The following PCDH15 variants were observed in gnomAD, a reference collection of about 807,000 sequenced individuals.
PCDH15 encodes protocadherin related 15, also known as protocadherin-15.
In PCDH15, 129 loss-of-function variants were observed where a neutral mutation model predicts 178.5. The observed-to-expected ratio is 0.72, with a 90% CI of 0.63 to 0.84. The LOEUF is 0.84. Ranked by LOEUF, PCDH15 falls within the 40% of genes least tolerant of loss-of-function variation. PCDH15 has a pLI of 0.00. For missense variants in PCDH15, 2,230 were observed against 2,099.9 expected (o/e 1.06, Z -1.21); for synonymous variants, 800 against 732.0 (o/e 1.09, Z -1.50).
intron 2 of PCDH15, among the ~76,000 whole-genome samples, chr10:54,529,495 T>C (rs2083695976): frequency 6.6e-6 from 1 of 152,078 alleles, no homozygotes; most frequent in African/African-American, 2.4e-5. Context: ...CATGTTTCTT[T>C]TGGAGAAAAT....
intron 1 of PCDH15, among the ~76,000 whole-genome samples, chr10:55,221,320 T>C (rs577345419): frequency 3.9e-5 from 6 of 152,236 alleles, no homozygotes; most frequent in African/African-American, 7.2e-5. Context: ...CTTTAAAATA[T>C]GGATATGTGT....
At chr10:54,728,307 C>A (rs35581800) in intron 1 of PCDH15, among the ~76,000 whole-genome samples, 2 of 151,204 alleles carry the variant, frequency 1.3e-5, no homozygotes, top group East Asian at 3.9e-4. Context: ...ATTCAGCGAT[C>A]CATCGTATAA....
chr10:55,245,549 C>A (rs1841660415), intron 1 of PCDH15, among the ~76,000 whole-genome samples: 1 of 152,100 alleles, frequency 6.6e-6, no homozygotes, highest in East Asian at 1.9e-4. Context: ...CCAGGTCATT[C>A]AGAAATTGCT....
chr10:55,199,881 C>T (rs1840196436), intron 1 of PCDH15, among the ~76,000 whole-genome samples: 1 of 152,064 alleles, frequency 6.6e-6, no homozygotes, highest in South Asian at 2.1e-4. Flanking sequence ...TTCGGGTGCA[C>T]AGAAAGCAAG....
At chr10:54,062,818 T>C (rs2094058723) in intron 18 of PCDH15, among the ~76,000 whole-genome samples, 1 of 152,120 alleles carries the variant, frequency 6.6e-6, no homozygotes, top group Admixed American at 6.5e-5. Flanking sequence ...AACTAAAAAC[T>C]AATCATCATG....
chr10:55,254,787 G>A (rs775195195), intron 1 of PCDH15, among the ~76,000 whole-genome samples: 14 of 152,144 alleles, frequency 9.2e-5, no homozygotes, highest in Non-Finnish European at 1.6e-4. Flanking sequence ...ATAAGATTGC[G>A]AAAGAAGAAA....
At chr10:54,757,627 T>C (rs946606935) in intron 1 of PCDH15, among the ~76,000 whole-genome samples, 5 of 152,142 alleles carry the variant, frequency 3.3e-5, no homozygotes, top group Admixed American at 6.5e-5. Context: ...AACTACTTCA[T>C]TTGCCTTCTT....
chr10:54,232,929 T>C (rs1196717641), intron 9 of PCDH15, among the ~76,000 whole-genome samples: 42 of 148,298 alleles, frequency 2.8e-4, no homozygotes, highest in African/African-American at 9.5e-4. Flanking sequence ...TCTTTCTTTT[T>C]TTTTTTTTTT....
At chr10:54,497,492 A>T (rs976179837) in intron 3 of PCDH15, among the ~76,000 whole-genome samples, 3 of 152,162 alleles carry the variant, frequency 2.0e-5, no homozygotes, top group Non-Finnish European at 4.4e-5. Flanking sequence ...AATCTCGATG[A>T]CATGTAACCT....
chr10:53,982,585 C>T (rs188037145), intron 21 of PCDH15, among the ~76,000 whole-genome samples: 3,071 of 148,402 alleles, frequency 0.021, 60 homozygotes, highest in South Asian at 0.098. Flanking sequence ...AAACCAAACA[C>T]CGCATGTTCT....
At chr10:55,287,499 A>G (rs988539156) in intron 1 of PCDH15, among the ~76,000 whole-genome samples, 1 of 152,044 alleles carries the variant, frequency 6.6e-6, no homozygotes, top group Non-Finnish European at 1.5e-5. Context: ...TTTAATATTC[A>G]TAAAAAGAAA....
chr10:55,358,465 C>A (rs985207213), intron 2 of PCDH15, among the ~76,000 whole-genome samples: 3 of 151,968 alleles, frequency 2.0e-5, no homozygotes, highest in African/African-American at 7.2e-5. Flanking sequence ...TCTTTGGTAT[C>A]AGATGGTATT....
intron 2 of PCDH15, among the ~76,000 whole-genome samples, chr10:55,471,825 T>G (rs796776381): frequency 2.3e-4 from 35 of 152,340 alleles, no homozygotes; most frequent in African/African-American, 7.9e-4. Context: ...CAACTTCTAC[T>G]TAAATCTTTG....
intron 15 of PCDH15, among the ~76,000 whole-genome samples, chr10:54,099,551 C>T (rs1199484027): frequency 1.8e-5 from 2 of 109,932 alleles, no homozygotes; most frequent in African/African-American, 7.1e-5. Flanking sequence ...AACAAAAAAA[C>T]AGATAAAACA....
At chr10:54,311,752 A>C (rs2060923397) in intron 8 of PCDH15, among the ~76,000 whole-genome samples, 1 of 152,044 alleles carries the variant, frequency 6.6e-6, no homozygotes, top group South Asian at 2.1e-4. Flanking sequence ...TGAAAACATT[A>C]ATTTGCCAAA....
intron 2 of PCDH15, among the ~76,000 whole-genome samples, chr10:55,433,989 T>C (rs1209225864): frequency 6.6e-6 from 1 of 151,986 alleles, no homozygotes; most frequent in African/African-American, 2.4e-5. Flanking sequence ...GCTCTTTTTC[T>C]ATATTTAACA....
intron 2 of PCDH15, among the ~76,000 whole-genome samples, chr10:54,647,839 T>C (rs1412583103): frequency 3.9e-5 from 6 of 152,108 alleles, no homozygotes; most frequent in African/African-American, 1.4e-4. Context: ...GTTTTTATCA[T>C]ATTCTTCCAC....
intron 3 of PCDH15, among the ~76,000 whole-genome samples, chr10:54,413,448 C>T (rs1274049013): frequency 3.9e-5 from 6 of 152,134 alleles, no homozygotes; most frequent in African/African-American, 1.2e-4. Flanking sequence ...CAACAGTCTA[C>T]CAAGGTGATT....
chr10:54,789,296 C>G (rs1165967931), intron 1 of PCDH15, among the ~76,000 whole-genome samples: 1 of 151,874 alleles, frequency 6.6e-6, no homozygotes, highest in Non-Finnish European at 1.5e-5. Context: ...AATTTTTACC[C>G]TATGACTTGC....
Sources: gnomAD v4.1 joint callset for allele counts (sites outside exome capture counted in the v4.1 genomes callset) on GRCh38, gnomAD v4.1.1 for gene constraint, MANE v1.5 for transcripts, NCBI Gene and HGNC (gene_info 2026-07-23, HGNC 2026-07-21) for gene names.